UPF3B: variants seen among roughly 807,000 people sequenced by gnomAD.
UPF3B encodes UPF3B regulator of nonsense mediated mRNA decay.
A neutral mutation model predicts 40.3 loss-of-function variants in UPF3B; 7 were observed. The ratio of observed to expected loss-of-function variants is 0.17; its 90% CI spans 0.10 to 0.33. The LOEUF (loss-of-function observed/expected upper bound fraction) is 0.33. Among genes scored for constraint, UPF3B ranks in the 10% least tolerant of loss-of-function variants. The pLI, the probability that UPF3B is intolerant of heterozygous loss-of-function variation, is 1.00. For missense variants in UPF3B, 229 were observed against 358.9 expected (o/e 0.64, Z 2.93); for synonymous variants, 117 against 117.3 (o/e 1.00, Z 0.01).
chrX:119,834,362 A>G lies in UPF3B; in HGVS notation c.*516T>C. 1.3e-6 allele frequency: 1 copy of G among 759,064 alleles called. No individual in the cohort carries two copies. Among genetic ancestry groups the G allele is most frequent in the Non-Finnish European group, 1.6e-6 (1 of 642,075 alleles). The allele number at this position is 759,064 out of a possible 1,213,427, so 62.6% of individuals were successfully genotyped here. A position where few individuals can be genotyped will look rare whatever the true frequency, so the allele number is the denominator to read the frequency against. ...CTATTTAAATTTTTGTATCAACGAA[A>G]GTGTGTTCTATCCTTCACTGTACCT... On this transcript the variant is annotated 3_prime_UTR_variant, in exon 11 of 11. Transcript: ENST00000276201.
At position 119,824,515 on chromosome X, in the gene UPF3B, G is replaced by GACAAAGAGGCA. The variant is rs1313400310; in HGVS notation, c.393-1483_393-1473dup. ...CCTTGAGATGGCTGGCAACAGGCTA[G>GACAAAGAGGCA]ACAAAGAGGCAAGGGATGTCAACTC... is the stretch of plus-strand genomic sequence containing the variant. On this transcript the variant is annotated intron_variant, in intron 3 of 6. Transcript: ENST00000636792. Among the ~76,000 whole-genome samples the GACAAAGAGGCA allele has an allele frequency of 2.2e-4, 24 of 109,399 alleles. 1 individual carries two copies. In the South Asian group the frequency reaches 8.3e-3, roughly 38 times the overall value. 95.0% of individuals were successfully genotyped at this position (109,399 alleles called of 115,157 possible).
At chrX:119,843,444 G>A (rs949098043) in intron 4 of UPF3B, 143 bp from the exon 5 acceptor site, 7 of 445,574 alleles carry the variant, frequency 1.6e-5, no homozygotes, top group African/African-American at 2.5e-5. Context: ...CCACAAGGTA[G>A]ACTATTTAGA....
At chrX:119,813,353 TC>T (rs971299451) in intron 5 of UPF3B, among the ~76,000 whole-genome samples, 4 of 109,401 alleles carry the variant, frequency 3.7e-5, no homozygotes, top group Non-Finnish European at 5.7e-5. Flanking sequence ...CATAGTGAGT[TC>T]TTACAGAGCT....
chrX:119,839,271 G>A (rs1224517170), intron 8 of UPF3B, among the ~76,000 whole-genome samples: 1 of 112,190 alleles, frequency 8.9e-6, no homozygotes, highest in Non-Finnish European at 1.9e-5. Context: ...CCAAAGGAGA[G>A]ATCCATTGCA....
chrX:119,807,027 TA>T (rs1191950024), intron 6 of UPF3B, among the ~76,000 whole-genome samples: 474 of 21,407 alleles, frequency 0.022, 1 homozygote, highest in Middle Eastern at 0.048. Context: ...AGACCCTGTC[TA>T]AAAAAAAAAA....
chrX:119,816,687 A>C (rs1203437095), intron 4 of UPF3B, among the ~76,000 whole-genome samples: 1 of 111,423 alleles, frequency 9.0e-6, no homozygotes, highest in East Asian at 2.8e-4. Context: ...AACTCCTCTA[A>C]CCTCTACCTT....
chrX:119,818,350 A>G (rs2055882904), intron 4 of UPF3B, among the ~76,000 whole-genome samples: 1 of 111,792 alleles, frequency 8.9e-6, no homozygotes, highest in South Asian at 3.6e-4. Flanking sequence ...TAATTCCAGC[A>G]CTCTGGGAGG....
chrX:119,807,060 A>G (rs1006698733), intron 6 of UPF3B, among the ~76,000 whole-genome samples: 13 of 108,364 alleles, frequency 1.2e-4, no homozygotes, highest in Middle Eastern at 4.2e-3. Flanking sequence ...AAGAAAAAAA[A>G]AAAAGAAAAT....
At chrX:119,852,376 G>A (rs528046374) in intron 1 of UPF3B, among the ~76,000 whole-genome samples, 3 of 112,048 alleles carry the variant, frequency 2.7e-5, no homozygotes, top group African/African-American at 9.7e-5. Context: ...CTACCCTCCT[G>A]TACCATTAAT....
At chrX:119,832,326 T>C (rs749403698), downstream of UPF3B, among the ~76,000 whole-genome samples, 1 of 112,226 alleles carries the variant, frequency 8.9e-6, no homozygotes, top group East Asian at 2.8e-4. Context: ...TGGCATGATC[T>C]TGGCTCACTG....
rs6646498 is a variant in UPF3B, at chrX:119,850,071, A to G, written c.370+1424T>C. ...TTGGGAGGCTGAGGTGGGGGGGGGG[A>G]AATCACTTGAGCCCAGGAGTTCAAG... On this transcript the variant is annotated intron_variant, in intron 3 of 10. Coordinates refer to ENST00000276201, the MANE Select transcript of UPF3B (RefSeq NM_080632.3). Among the ~76,000 whole-genome samples, 182 of 81,645 alleles carry G rather than the reference A, an allele frequency of 2.2e-3. 2 individuals are homozygous for G. Among genetic ancestry groups the G allele is most frequent in the Middle Eastern group, 6.7e-3 (1 of 150 alleles). The allele number at this position is 81,645 out of a possible 115,157, so 70.9% of individuals were successfully genotyped here.
chrX:119,852,907 T>C lies in UPF3B; in HGVS notation c.22A>G (p.Arg8Gly). Residue 8 changes from arginine to glycine, a missense_variant, in exon 1 of 11, where the codon AGG (arginine) becomes GGG (glycine). Around this residue, in one of 3 missense-constraint regions of UPF3B, gnomAD observed 23 missense variants for 21.0 expected, o/e 1.10. Coordinates refer to ENST00000276201, the MANE Select transcript of UPF3B (RefSeq NM_080632.3). MKEEKEH[R>G]PKEKRVTLLT... The stretch of plus-strand genomic sequence containing the variant: ...AGGGTTACTCGCTTCTCCTTAGGCC[T>C]GTGCTCCTTCTCTTCCTTCATGGCT... The C allele has an allele frequency of 8.2e-7, 1 of 1,212,491 alleles. No individual in the cohort carries two copies.
intron 5 of UPF3B, chrX:119,815,189 A>C: frequency 1.3e-6 from 1 of 776,227 alleles, no homozygotes; most frequent in Non-Finnish European, 1.5e-6. Flanking sequence ...TGTATGGCTA[A>C]TACAACTTTC....
chrX:119,831,849 T>A (rs2056040697), downstream of UPF3B: 1 of 281,043 alleles, frequency 3.6e-6, no homozygotes, highest in East Asian at 2.2e-4. Flanking sequence ...TATTAATATA[T>A]CCTAAAGCCC....
intron 4 of UPF3B, among the ~76,000 whole-genome samples, chrX:119,821,059 T>C (rs1031720683): frequency 1.8e-5 from 2 of 111,297 alleles, no homozygotes; most frequent in African/African-American, 6.5e-5. Flanking sequence ...TGGTGGGGTA[T>C]TGGGGTTATG....
At chrX:119,842,580 T>TCACA (rs773370806) in intron 5 of UPF3B, among the ~76,000 whole-genome samples, 5,846 of 71,390 alleles carry the variant, frequency 0.082, 187 homozygotes, top group East Asian at 0.23. Flanking sequence ...ACTCCATCTC[T>TCACA]CACACACACA....
rs762943224 is a variant in UPF3B, at chrX:119,852,768, G to A, written c.156+5C>T. 2 of 1,212,275 alleles carry A rather than the reference G, an allele frequency of 1.6e-6. No individual in the cohort carries two copies. Among genetic ancestry groups the A allele is most frequent in the Non-Finnish European group, 2.2e-6 (2 of 895,643 alleles). On this transcript the variant is annotated splice_donor_5th_base_variant and intron_variant, in intron 1 of 10. Coordinates refer to ENST00000276201, the MANE Select transcript of UPF3B (RefSeq NM_080632.3). ...CCTCTCCCGGGCCAGCGGCCGACCG[G>A]GCACCTTGCTCAGCGCTTCTTTCTT... is the stretch of plus-strand genomic sequence containing the variant.
intron 5 of UPF3B, among the ~76,000 whole-genome samples, chrX:119,812,765 G>C (rs981244893): frequency 2.7e-5 from 3 of 111,137 alleles, no homozygotes; most frequent in Non-Finnish European, 5.7e-5. Context: ...TGACTTCAAT[G>C]ACCACCTAAA....
chrX:119,843,127 G>T, intron 5 of UPF3B, 64 bp downstream of exon 5: 1 of 746,808 alleles, frequency 1.3e-6, no homozygotes, highest in Non-Finnish European at 2.1e-6. Flanking sequence ...AGCAACTGAT[G>T]GAGGTAGGAG....
Sources: gnomAD v4.1 joint callset for allele counts (sites outside exome capture counted in the v4.1 genomes callset) on GRCh38, gnomAD v4.1.1 for gene constraint, gnomAD v4.1.1 regional missense constraint, MANE v1.5 for transcripts, NCBI Gene and HGNC (gene_info 2026-07-23, HGNC 2026-07-21) for gene names.